The following NRXN3 variants were observed in gnomAD, a reference collection of about 807,000 sequenced individuals.
NRXN3 encodes neurexin 3.
In NRXN3, 32 loss-of-function variants were observed where a neutral mutation model predicts 137.6. The ratio of observed to expected loss-of-function variants is 0.23; its 90% CI spans 0.18 to 0.31. NRXN3 has a LOEUF of 0.31. Among genes scored for constraint, NRXN3 ranks in the 10% least tolerant of loss-of-function variants. NRXN3 has a pLI of 1.00. For synonymous variants in NRXN3, 798 were observed against 784.5 expected, an observed-to-expected ratio of 1.02 and a Z score of -0.29; for missense variants, 1,574 against 2,062.5, an observed-to-expected ratio of 0.76 and a Z score of 4.59.
At chr14:78,387,961 CT>C (rs2090215946) in intron 4 of NRXN3, among the ~76,000 whole-genome samples, 1 of 152,130 alleles carries the variant, frequency 6.6e-6, no homozygotes, top group Non-Finnish European at 1.5e-5. Flanking sequence ...TTTTCTACCC[CT>C]GTGCCACATC....
At chr14:79,411,611 C>T (rs900577928) in intron 15 of NRXN3, among the ~76,000 whole-genome samples, 1 of 152,124 alleles carries the variant, frequency 6.6e-6, no homozygotes, top group Non-Finnish European at 1.5e-5. Flanking sequence ...CCATGTTATA[C>T]TGCTACTTTG....
intron 15 of NRXN3, among the ~76,000 whole-genome samples, chr14:79,140,602 T>C (rs2058700153): frequency 6.6e-6 from 1 of 151,370 alleles, no homozygotes; most frequent in Non-Finnish European, 1.5e-5. Flanking sequence ...TGTGTGTGTG[T>C]GTGTGTGTGA....
Position 79,470,951 on chromosome 14 carries a change from A to T in NRXN3, c.3444+3549A>T, listed in dbSNP as rs369642157. ...GAGAGAGAGAGAGAAAGAGAGAGAG[A>T]GTGTGTGTGTGTGTGTGTGTGTGTG... On this transcript the variant is annotated intron_variant, in intron 16 of 20. Transcript: ENST00000335750. 9.2e-3 allele frequency among the ~76,000 whole-genome samples: 1,070 copies of T among 116,478 alleles called. 9 individuals are homozygous for T. Among genetic ancestry groups the T allele is most frequent in the South Asian group, 0.016 (53 of 3,332 alleles). 76.4% of individuals were successfully genotyped at this position (116,478 alleles called of 152,430 possible). A position where few individuals can be genotyped will look rare whatever the true frequency, so the allele number is the denominator to read the frequency against.
At chr14:79,133,822 G>A (rs533849156) in intron 15 of NRXN3, among the ~76,000 whole-genome samples, 116 of 151,836 alleles carry the variant, frequency 7.6e-4, no homozygotes, top group African/African-American at 2.5e-3. Flanking sequence ...CCAGCTACTC[G>A]GGAGGCTGAG....
chr14:79,633,515 C>T (rs1462521481), intron 16 of NRXN3, among the ~76,000 whole-genome samples: 1 of 152,200 alleles, frequency 6.6e-6, no homozygotes, highest in Non-Finnish European at 1.5e-5. Context: ...GATGCATCCT[C>T]TGTAACATCT....
intron 20 of NRXN3, among the ~76,000 whole-genome samples, chr14:79,827,372 A>C (rs1437618919): frequency 6.6e-6 from 1 of 152,212 alleles, no homozygotes; most frequent in Non-Finnish European, 1.5e-5. Flanking sequence ...CTTGCAAAAA[A>C]TTCTGAACAT....
At chr14:79,166,834 A>G (rs2061329539) in intron 15 of NRXN3, among the ~76,000 whole-genome samples, 1 of 151,954 alleles carries the variant, frequency 6.6e-6, no homozygotes, top group African/African-American at 2.4e-5. Context: ...TGCAAAGTGA[A>G]TACACTAATC....
At chr14:78,878,678 C>T (rs1359460468) in intron 10 of NRXN3, among the ~76,000 whole-genome samples, 1 of 152,122 alleles carries the variant, frequency 6.6e-6, no homozygotes, top group Non-Finnish European at 1.5e-5. Flanking sequence ...ATATGTATTA[C>T]CTCAAATACT....
intron 10 of NRXN3, among the ~76,000 whole-genome samples, chr14:78,836,164 A>T (rs1200813345): frequency 6.6e-6 from 1 of 152,202 alleles, no homozygotes; most frequent in African/African-American, 2.4e-5. Flanking sequence ...AACAGTTAAG[A>T]TGTTTAAATT....
intron 6 of NRXN3, among the ~76,000 whole-genome samples, chr14:78,672,119 T>C (rs972159531): frequency 6.6e-6 from 1 of 152,212 alleles, no homozygotes; most frequent in Non-Finnish European, 1.5e-5. Flanking sequence ...AACAAAATGC[T>C]ATATCATATA....
chr14:79,687,650 A>G (rs1167310674), intron 17 of NRXN3, among the ~76,000 whole-genome samples: 1 of 152,154 alleles, frequency 6.6e-6, no homozygotes, highest in East Asian at 1.9e-4. Context: ...GCACAGACGA[A>G]TGTTGTTAGG....
chr14:79,231,513 G>A (rs1226650865), intron 15 of NRXN3, among the ~76,000 whole-genome samples: 2 of 152,118 alleles, frequency 1.3e-5, no homozygotes, highest in Non-Finnish European at 2.9e-5. Flanking sequence ...GTTTCAGTAG[G>A]ATAATTTGGT....
intron 1 of NRXN3, among the ~76,000 whole-genome samples, chr14:78,226,828 G>A (rs572064690): frequency 6.6e-6 from 1 of 152,272 alleles, no homozygotes; most frequent in South Asian, 2.1e-4. Flanking sequence ...TACCTTTTGA[G>A]GATCATGGAA....
intron 4 of NRXN3, among the ~76,000 whole-genome samples, chr14:78,552,839 G>C (rs1566728080): frequency 6.6e-6 from 1 of 152,106 alleles, no homozygotes. Flanking sequence ...CTTCAAAATA[G>C]CTAGAAGAGA....
chr14:79,548,751 AAAAAAAAAAAC>A (rs952753526), intron 16 of NRXN3, among the ~76,000 whole-genome samples: 49 of 151,814 alleles, frequency 3.2e-4, no homozygotes, highest in African/African-American at 1.1e-3. Flanking sequence ...AAAGATTAAA[AAAAAAAAAAAC>A]AAAAAAAATC....
intron 17 of NRXN3, chr14:79,669,034 C>T (rs959641308): frequency 1.8e-4 from 28 of 151,998 alleles, no homozygotes; most frequent in African/African-American, 6.5e-4. Context: ...CTTGGGTTTT[C>T]ATTAATTCCT....
At chr14:78,229,003 T>A (rs1157764428) in intron 1 of NRXN3, among the ~76,000 whole-genome samples, 1 of 152,216 alleles carries the variant, frequency 6.6e-6, no homozygotes, top group African/African-American at 2.4e-5. Context: ...AGGAAAAATC[T>A]GTTCAAGAAT....
chr14:78,419,961 G>GCACACA (rs1256574515), intron 4 of NRXN3, among the ~76,000 whole-genome samples: 533 of 49,244 alleles, frequency 0.011, 4 homozygotes, highest in Middle Eastern at 0.024. Flanking sequence ...GCGCGCGCAC[G>GCACACA]CACACACACA....
chr14:78,197,692 G>A (rs2061349262), intron 1 of NRXN3, among the ~76,000 whole-genome samples: 2 of 152,196 alleles, frequency 1.3e-5, no homozygotes, highest in South Asian at 4.1e-4. Context: ...AAGGAGCTGG[G>A]TTGACCCTGA....
Sources: allele counts gnomAD v4.1 joint callset (sites outside exome capture counted in the v4.1 genomes callset), GRCh38; gene constraint gnomAD v4.1.1; transcripts MANE v1.5; gene names NCBI Gene and HGNC (gene_info 2026-07-23, HGNC 2026-07-21).